AKR1C3: variants seen among roughly 807,000 people sequenced by gnomAD.
The protein encoded by AKR1C3 is aldo-keto reductase family 1 member C3, also known as 3-alpha hydroxysteroid dehydrogenase, type II.
In AKR1C3, 48 loss-of-function variants were observed where a neutral mutation model predicts 43.6. The observed-to-expected ratio is 1.10, with a 90% confidence interval of 0.87 to 1.40. The LOEUF (loss-of-function observed/expected upper bound fraction) is 1.40, where lower values mean the gene tolerates loss of function less well. Among genes scored for constraint, AKR1C3 ranks in the 40% most tolerant of loss-of-function variants. The pLI, the probability that AKR1C3 is intolerant of heterozygous loss-of-function variation, is 0.00. For synonymous variants in AKR1C3, 162 were observed against 139.6 expected, an observed-to-expected ratio of 1.16 and a Z score of -1.13; for missense variants, 482 against 391.2, an observed-to-expected ratio of 1.23 and a Z score of -1.96.
At chr10:5,091,611 A>G (rs1839091050), upstream of AKR1C3, among the ~76,000 whole-genome samples, 1 of 151,842 alleles carries the variant, frequency 6.6e-6, no homozygotes, top group South Asian at 2.1e-4. Context: ...CTTTGTAGTT[A>G]CTCTTGGGAT....
At chr10:5,061,434 G>A (rs1366399634) in intron 1 of AKR1C3, among the ~76,000 whole-genome samples, 1 of 152,146 alleles carries the variant, frequency 6.6e-6, no homozygotes, top group Non-Finnish European at 1.5e-5. Context: ...CAGAGCCTAG[G>A]AATGAGGCAT....
chr10:5,088,827 C>T (rs1839027066), intron 1 of AKR1C3, among the ~76,000 whole-genome samples: 1 of 151,766 alleles, frequency 6.6e-6, no homozygotes, highest in Admixed American at 6.6e-5. Flanking sequence ...GATATATGAG[C>T]TTTTGTTTCT....
At chr10:5,089,185 C>A (rs1839033506) in intron 1 of AKR1C3, among the ~76,000 whole-genome samples, 1 of 151,990 alleles carries the variant, frequency 6.6e-6, no homozygotes, top group African/African-American at 2.4e-5. Flanking sequence ...TTTGTTCATT[C>A]TTATTGACCT....
At position 5,063,265 on chromosome 10, in the gene AKR1C3, A is replaced by T. The variant is rs376506795; in HGVS notation, c.84+14370A>T. On this transcript the variant is annotated intron_variant, in intron 1 of 8. Coordinates refer to the AKR1C3 transcript ENST00000439082. ...GTGAAGTGGAATAAAAACCTGGGGA[A>T]AGGGAGAGTTTTTATATAAAATTTA... 2.7e-4 allele frequency among the ~76,000 whole-genome samples: 41 copies of T among 152,320 alleles called. 1 individual carries two copies. Among genetic ancestry groups the T allele is most frequent in the East Asian group, 9.6e-4 (5 of 5,190 alleles).
intron 1 of AKR1C3, among the ~76,000 whole-genome samples, chr10:5,086,683 GTC>G (rs1348106746): frequency 3.3e-5 from 5 of 152,110 alleles, no homozygotes; most frequent in African/African-American, 1.2e-4. Context: ...GGGTGTTAAA[GTC>G]TCCCACTATT....
intron 1 of AKR1C3, among the ~76,000 whole-genome samples, chr10:5,053,308 T>A (rs1179089314): frequency 6.6e-6 from 1 of 152,122 alleles, no homozygotes; most frequent in African/African-American, 2.4e-5. Context: ...GCAGCTAAGG[T>A]CCGGTGAGAA....
chr10:5,107,616 T>G lies in AKR1C3; in HGVS notation c.*113T>G, dbSNP rs1184048204. On this transcript the variant is annotated 3_prime_UTR_variant, in exon 9 of 9. Coordinates refer to ENST00000380554, the MANE Select transcript of AKR1C3 (RefSeq NM_003739.6). The stretch of plus-strand genomic sequence containing the variant: ...CACCTCTACTTAAATCCGTCCTGTT[T>G]AGCGACTTCAGTCAACTACAGCTGA... 2.0e-5 allele frequency: 16 copies of G among 786,572 alleles called. No homozygotes were observed. The highest frequency in any genetic ancestry group is 1.4e-4 in the Admixed American group (5 of 36,238). The allele number at this position is 786,572 out of a possible 1,614,324, so 48.7% of individuals were successfully genotyped here. A position where few individuals can be genotyped will look rare whatever the true frequency, so the allele number is the denominator to read the frequency against.
At chr10:5,098,122 C>T (rs1212409700) in intron 3 of AKR1C3, 11 of 986,670 alleles carry the variant, frequency 1.1e-5, no homozygotes, top group Non-Finnish European at 1.3e-5. Flanking sequence ...TTACAGAAAA[C>T]TACTCAGGCT....
intron 1 of AKR1C3, among the ~76,000 whole-genome samples, chr10:5,070,584 G>A (rs1838597284): frequency 6.6e-6 from 1 of 152,190 alleles, no homozygotes; most frequent in African/African-American, 2.4e-5. Flanking sequence ...GACATTTCCT[G>A]TCATAGCTGA....
chr10:5,091,167 A>G (rs1445043945), upstream of AKR1C3, among the ~76,000 whole-genome samples: 1 of 152,102 alleles, frequency 6.6e-6, no homozygotes, highest in African/African-American at 2.4e-5. Context: ...GACAGTAAAA[A>G]CAGCATGCCT....
In AKR1C3 at chr10:5,094,451, T is replaced by G. The variant is rs1554784840; in HGVS notation, c.7T>G (p.Ser3Ala). The change falls in exon 1 of 9, where the codon TCC (serine) becomes GCC (alanine). Residue 3 changes from serine to alanine, a missense_variant. Ser to Ala is a moderately conservative substitution (Grantham distance 99). Coordinates refer to ENST00000380554, the MANE Select transcript of AKR1C3 (RefSeq NM_003739.6). MD[S>A]KHQCVKLNDG... is the part of the protein sequence containing the mutation. Reference sequence around the variant, plus strand: ...GTCAGACAAGTGACAGGGAATGGATTCCAAACACCAGTGTGTAAAGCTAAA... The same window carrying G: ...GTCAGACAAGTGACAGGGAATGGATGCCAAACACCAGTGTGTAAAGCTAAA... The G allele has an allele frequency of 1.9e-6, 3 of 1,612,162 alleles. No homozygotes were observed. The highest frequency in any genetic ancestry group is 2.5e-6 in the Non-Finnish European group (3 of 1,178,652).
intron 1 of AKR1C3, among the ~76,000 whole-genome samples, chr10:5,049,457 A>G (rs1226989883): frequency 6.6e-6 from 1 of 152,194 alleles, no homozygotes; most frequent in Non-Finnish European, 1.5e-5. Flanking sequence ...CAGAGGATAT[A>G]AAATATCCTC....
intron 1 of AKR1C3, among the ~76,000 whole-genome samples, chr10:5,083,553 T>C (rs1305227159): frequency 6.6e-6 from 1 of 152,226 alleles, no homozygotes; most frequent in Non-Finnish European, 1.5e-5. Context: ...TGCATGTGTC[T>C]TTATAGCAGC....
At chr10:5,106,968 TCTTATC>T (rs1839518584) in intron 8 of AKR1C3, among the ~76,000 whole-genome samples, 1 of 152,114 alleles carries the variant, frequency 6.6e-6, no homozygotes, top group Admixed American at 6.5e-5. Context: ...CATGAGTAAT[TCTTATC>T]ATCCATTAAA....
At chr10:5,059,021 A>T (rs565016660) in intron 1 of AKR1C3, among the ~76,000 whole-genome samples, 2 of 152,292 alleles carry the variant, frequency 1.3e-5, no homozygotes, top group African/African-American at 4.8e-5. Flanking sequence ...TGGAAGAGTG[A>T]CACCTTTTGT....
At chr10:5,059,911 G>C (rs1241831324) in intron 1 of AKR1C3, among the ~76,000 whole-genome samples, 1 of 151,678 alleles carries the variant, frequency 6.6e-6, no homozygotes, top group African/African-American at 2.4e-5. Context: ...CTCGCAGTGA[G>C]TGTTACAGTT....
chr10:5,105,869 C>T (rs1839488182), intron 8 of AKR1C3, among the ~76,000 whole-genome samples, 192 bp downstream of exon 8: 1 of 152,162 alleles, frequency 6.6e-6, no homozygotes, highest in Non-Finnish European at 1.5e-5. Context: ...CAGCATGGGT[C>T]AACCTGTGCC....
chr10:5,086,209 A>G (rs1263342096), intron 1 of AKR1C3, among the ~76,000 whole-genome samples: 2 of 151,704 alleles, frequency 1.3e-5, no homozygotes, highest in Non-Finnish European at 2.9e-5. Flanking sequence ...TCTTGTGGGC[A>G]TTTAGTGCTA....
intron 1 of AKR1C3, among the ~76,000 whole-genome samples, chr10:5,086,362 C>A (rs200950026): frequency 0.087 from 13,244 of 151,442 alleles, 719 homozygotes; most frequent in Admixed American, 0.14. Flanking sequence ...GCAGGTTGTT[C>A]AGTTTCCATG....
Sources: gnomAD v4.1 joint callset for allele counts (sites outside exome capture counted in the v4.1 genomes callset) on GRCh38, gnomAD v4.1.1 for gene constraint, MANE v1.5 for transcripts, NCBI Gene and HGNC (gene_info 2026-07-23, HGNC 2026-07-21) for gene names.